PLCXD3: variants seen among roughly 807,000 people sequenced by gnomAD.
PLCXD3 encodes the protein PI-PLC X domain-containing protein 3.
A neutral mutation model predicts 25.5 loss-of-function variants in PLCXD3; 19 were observed. The ratio of observed to expected loss-of-function variants is 0.75; its 90% CI spans 0.52 to 1.09. The LOEUF (loss-of-function observed/expected upper bound fraction) is 1.09. Among genes scored for constraint, PLCXD3 ranks in the 50% least tolerant of loss-of-function variants. The probability of loss-of-function intolerance (pLI) is 0.00; values close to 1 mark genes in which losing one functional copy is unlikely to be tolerated. For missense variants in PLCXD3, 411 were observed against 388.1 expected (o/e 1.06, Z -0.50); for synonymous variants, 174 against 137.6 (o/e 1.26, Z -1.85).
intron 1 of PLCXD3, among the ~76,000 whole-genome samples, chr5:41,489,726 C>T (rs1580399063): frequency 6.6e-6 from 1 of 152,024 alleles, no homozygotes; most frequent in African/African-American, 2.4e-5. Context: ...CATGATTTGG[C>T]TCTCTGTTTG....
At chr5:41,337,909 C>G (rs752200452) in intron 2 of PLCXD3, among the ~76,000 whole-genome samples, 6 of 152,096 alleles carry the variant, frequency 3.9e-5, no homozygotes, top group Non-Finnish European at 5.9e-5. Flanking sequence ...ATGATGTCAT[C>G]TCTTCATTAT....
Position 41,312,483 on chromosome 5 carries a change from A to G in PLCXD3, c.*1134T>C, listed in dbSNP as rs988226494. 9 of 152,136 alleles carry G rather than the reference A, an allele frequency of 5.9e-5. No individual in the cohort carries two copies. The highest frequency in any genetic ancestry group is 8.8e-5 in the Non-Finnish European group (6 of 68,028). 9.4% of individuals were successfully genotyped at this position (152,136 alleles called of 1,614,324 possible). A position where few individuals can be genotyped will look rare whatever the true frequency, so the allele number is the denominator to read the frequency against. ...TCTTCCTTAAAATCTGGAATTTAGAATTAAATATTTGAAAATCCCAAATTG... is the reference window on the plus strand; with the variant it reads ...TCTTCCTTAAAATCTGGAATTTAGAGTTAAATATTTGAAAATCCCAAATTG... On this transcript the variant is annotated 3_prime_UTR_variant, in exon 3 of 3. Coordinates refer to ENST00000377801, the MANE Select transcript of PLCXD3 (RefSeq NM_001005473.3).
At chr5:41,377,753 G>C (rs1291384162) in intron 2 of PLCXD3, among the ~76,000 whole-genome samples, 1 of 152,046 alleles carries the variant, frequency 6.6e-6, no homozygotes, top group East Asian at 1.9e-4. Flanking sequence ...TTCAAACGCT[G>C]TTTTCTAAAT....
intron 1 of PLCXD3, among the ~76,000 whole-genome samples, chr5:41,437,310 A>G (rs1413451391): frequency 1.3e-5 from 2 of 152,248 alleles, no homozygotes; most frequent in Non-Finnish European, 2.9e-5. Context: ...TCTGGCCACA[A>G]TGATCTTTCA....
Position 41,382,043 on chromosome 5 carries a change from C to T in PLCXD3, c.595G>A (p.Val199Met), listed in dbSNP as rs1044880828. Residue 199 changes from valine (V) to methionine (M), a missense_variant, in exon 2 of 3, where the codon GTG becomes ATG. Coordinates refer to ENST00000377801, the MANE Select transcript of PLCXD3 (RefSeq NM_001005473.3). ...CAGAGAAAGGGCACTTCCAGAGCCA[C>T]TGGACTATGGTAGAAGACCAGCACT... ...YQVLVFYHSP[V>M]ALEVPFLWPG... The T allele has an allele frequency of 1.2e-6, 2 of 1,613,660 alleles. No individual in the cohort carries two copies. The highest frequency in any genetic ancestry group is 1.7e-6 in the Non-Finnish European group (2 of 1,179,760).
chr5:41,346,140 C>T (rs1054622303), intron 2 of PLCXD3, among the ~76,000 whole-genome samples: 9 of 152,172 alleles, frequency 5.9e-5, no homozygotes, highest in Non-Finnish European at 1.0e-4. Flanking sequence ...CTCGGCCTCC[C>T]GAAGTGCTGG....
intron 2 of PLCXD3, among the ~76,000 whole-genome samples, chr5:41,379,685 T>G (rs1745397911): frequency 6.6e-6 from 1 of 152,118 alleles, no homozygotes; most frequent in Admixed American, 6.6e-5. Context: ...TTTTAAATTA[T>G]GTACATTATT....
intron 2 of PLCXD3, among the ~76,000 whole-genome samples, chr5:41,326,347 C>G (rs1337637204): frequency 6.6e-6 from 1 of 152,120 alleles, no homozygotes; most frequent in East Asian, 1.9e-4. Context: ...ACAGTCAGGA[C>G]AATGTTTCTC....
chr5:41,316,637 G>A (rs1052581789), intron 2 of PLCXD3, among the ~76,000 whole-genome samples: 1 of 152,148 alleles, frequency 6.6e-6, no homozygotes, highest in Non-Finnish European at 1.5e-5. Context: ...TGCCCTGAAG[G>A]GTGAGTCCCA....
chr5:41,506,102 T>C (rs1256916938), intron 1 of PLCXD3, among the ~76,000 whole-genome samples: 1 of 152,222 alleles, frequency 6.6e-6, no homozygotes, highest in African/African-American at 2.4e-5. Context: ...GTGCAGAGTC[T>C]GAGATGCAGC....
At chr5:41,472,251 C>T (rs1367629182) in intron 1 of PLCXD3, among the ~76,000 whole-genome samples, 1 of 152,006 alleles carries the variant, frequency 6.6e-6, no homozygotes, top group African/African-American at 2.4e-5. Context: ...ATGCTTCTGC[C>T]ATCCCTTAAA....
At chr5:41,465,550 C>T (rs1279347190) in intron 1 of PLCXD3, among the ~76,000 whole-genome samples, 7 of 151,566 alleles carry the variant, frequency 4.6e-5, no homozygotes, top group African/African-American at 1.7e-4. Context: ...GAATCAGAAG[C>T]CTTTCCTTGG....
At chr5:41,430,793 A>G (rs1747080921) in intron 1 of PLCXD3, among the ~76,000 whole-genome samples, 5 of 152,300 alleles carry the variant, frequency 3.3e-5, no homozygotes, top group Admixed American at 2.6e-4. Context: ...AAACTTTTAC[A>G]TTATAAATAT....
intron 2 of PLCXD3, among the ~76,000 whole-genome samples, chr5:41,379,201 C>T (rs1309020236): frequency 1.3e-5 from 2 of 152,082 alleles, no homozygotes; most frequent in African/African-American, 2.4e-5. Context: ...GCCTTTTCCC[C>T]ACCTCTAGTG....
chr5:41,345,671 C>T (rs185613689), intron 2 of PLCXD3, among the ~76,000 whole-genome samples: 1 of 135,954 alleles, frequency 7.4e-6, no homozygotes, highest in East Asian at 2.4e-4. Flanking sequence ...CAAATTTATA[C>T]ATACATATGT....
chr5:41,331,900 C>T (rs1401672370), intron 2 of PLCXD3, among the ~76,000 whole-genome samples: 1 of 152,152 alleles, frequency 6.6e-6, no homozygotes. Context: ...ATGTAGAAAG[C>T]TGAAACTGGA....
intron 1 of PLCXD3, among the ~76,000 whole-genome samples, chr5:41,465,094 G>T (rs1393903817): frequency 6.6e-6 from 1 of 151,836 alleles, no homozygotes; most frequent in African/African-American, 2.4e-5. Context: ...AGCATTTATT[G>T]TAAAATTGTT....
At position 41,483,442 on chromosome 5, in the gene PLCXD3, G is replaced by A. The variant is rs1580395682; in HGVS notation, c.103+26982C>T. On this transcript the variant is annotated intron_variant, in intron 1 of 2. Coordinates refer to ENST00000377801, the MANE Select transcript of PLCXD3 (RefSeq NM_001005473.3). Reference sequence around the variant, plus strand: ...AAGTTATTGAATGTTTCTGAGCCTTGAGACCCCATCTTAAAAGGTTGTCGC... The same window carrying A: ...AAGTTATTGAATGTTTCTGAGCCTTAAGACCCCATCTTAAAAGGTTGTCGC... Among the ~76,000 whole-genome samples, 3 of 152,210 alleles carry A rather than the reference G, an allele frequency of 2.0e-5. No homozygotes were observed. In the South Asian group the frequency reaches 6.2e-4, roughly 32 times the overall value.
At chr5:41,444,495 A>C (rs960404340) in intron 1 of PLCXD3, among the ~76,000 whole-genome samples, 7 of 152,130 alleles carry the variant, frequency 4.6e-5, no homozygotes, top group African/African-American at 1.4e-4. Flanking sequence ...ACTTATCTGT[A>C]ATTGATTTAA....
Sources: allele counts gnomAD v4.1 joint callset (sites outside exome capture counted in the v4.1 genomes callset), GRCh38; gene constraint gnomAD v4.1.1; transcripts MANE v1.5; gene names NCBI Gene and HGNC (gene_info 2026-07-23, HGNC 2026-07-21).